The following DNAH14 variants were observed in gnomAD, a reference collection of about 807,000 sequenced individuals.
The protein encoded by DNAH14 is axonemal beta dynein heavy chain 14.
DNAH14 carries 478 observed loss-of-function variants against 520.9 expected under a neutral mutation model. The ratio of observed to expected loss-of-function variants is 0.92; its 90% CI spans 0.85 to 0.99. The LOEUF is 0.99. DNAH14 is among the 50% of genes least tolerant of loss of function. The pLI is 0.00. For missense variants in DNAH14, 4,831 were observed against 5,234.5 expected, an observed-to-expected ratio of 0.92 and a Z score of 2.38; for synonymous variants, 1,581 against 1,757.2, an observed-to-expected ratio of 0.90 and a Z score of 2.51.
rs534473781 is a variant in DNAH14 at position 225,250,514 on chromosome 1, G to A, written c.6749-1787G>A. 53 of 419,000 alleles carry A rather than the reference G, an allele frequency of 1.3e-4. No homozygotes were observed. In the South Asian group the frequency reaches 1.5e-3, roughly 12 times the overall value. 26.0% of individuals were successfully genotyped at this position (419,000 alleles called of 1,614,324 possible). A position where few individuals can be genotyped will look rare whatever the true frequency, so the allele number is the denominator to read the frequency against. The stretch of plus-strand genomic sequence containing the variant: ...ATATACAACAGAGATCGTATGTGGC[G>A]TGCTGTTTTAACCATATTCCCTTGG... On this transcript the variant is annotated intron_variant, in intron 43 of 85. Transcript: ENST00000682510.
chr1:225,264,504 G>A (rs1411055963), intron 47 of DNAH14, among the ~76,000 whole-genome samples: 1 of 152,068 alleles, frequency 6.6e-6, no homozygotes, highest in East Asian at 1.9e-4. Context: ...ATACTTGGTG[G>A]ATATATCAGT....
At chr1:224,945,132 A>G (rs2059708625) in intron 1 of DNAH14, among the ~76,000 whole-genome samples, 1 of 152,266 alleles carries the variant, frequency 6.6e-6, no homozygotes, top group Admixed American at 6.5e-5. Flanking sequence ...AGGTACACCA[A>G]TCAGATGTAG....
At chr1:225,049,523 C>T (rs552003150) in intron 15 of DNAH14, among the ~76,000 whole-genome samples, 31 of 152,230 alleles carry the variant, frequency 2.0e-4, no homozygotes, top group African/African-American at 7.2e-4. Context: ...TCTTTCACAG[C>T]GCTAAACTAC....
intron 7 of DNAH14, among the ~76,000 whole-genome samples, chr1:224,971,812 G>A (rs1206126727): frequency 6.6e-6 from 1 of 152,186 alleles, no homozygotes; most frequent in East Asian, 1.9e-4. Flanking sequence ...AGCTGGTTCT[G>A]TTATTTTCTG....
chr1:224,942,235 G>A (rs1236526540), intron 1 of DNAH14, among the ~76,000 whole-genome samples: 1 of 152,138 alleles, frequency 6.6e-6, no homozygotes, highest in Non-Finnish European at 1.5e-5. Flanking sequence ...TCCCTTGTAA[G>A]TTGGATTCCT....
chr1:225,376,894 TA>T (rs1363551760), intron 78 of DNAH14, among the ~76,000 whole-genome samples: 1 of 152,182 alleles, frequency 6.6e-6, no homozygotes, highest in African/African-American at 2.4e-5. Context: ...TAGGTTTCAC[TA>T]AAGTAAAATG....
intron 17 of DNAH14, among the ~76,000 whole-genome samples, chr1:225,067,056 T>C (rs2070976041): frequency 6.6e-6 from 1 of 152,158 alleles, no homozygotes; most frequent in South Asian, 2.1e-4. Context: ...GAGTTTGTTA[T>C]ATGGATTATT....
chr1:225,335,435 ATG>A (rs140720669), intron 66 of DNAH14, among the ~76,000 whole-genome samples: 5,768 of 87,440 alleles, frequency 0.066, 1,412 homozygotes, highest in African/African-American at 0.31. Context: ...ACGTGTGTAC[ATG>A]TGTGTGTATG....
In DNAH14 at chr1:225,140,794, T is replaced by G. The variant is rs1289546285; in HGVS notation, c.4281T>G (p.Cys1427Trp). The G allele has an allele frequency of 6.5e-7, 1 of 1,545,454 alleles. No individual in the cohort carries two copies. Among genetic ancestry groups the G allele is most frequent in the African/African-American group, 1.4e-5 (1 of 72,910 alleles). The change falls in exon 28 of 86, where the codon TGT becomes TGG. Residue 1427 changes from cysteine (C) to tryptophan (W), a missense_variant. By Grantham distance (215) the Cys-to-Trp change is radical (BLOSUM62 -2). Coordinates refer to ENST00000682510, the MANE Select transcript of DNAH14 (RefSeq NM_001367479.1). ...TVSQIMFYND[C>W]VKSFVSSYSR... ...GCCAGATCATGTTTTATAATGATTGTGTTAAAAGTTTTGTGAGTTCTTATT... is the reference window on the plus strand; with the variant it reads ...GCCAGATCATGTTTTATAATGATTGGGTTAAAAGTTTTGTGAGTTCTTATT...
chr1:225,340,542 T>G lies in DNAH14; in HGVS notation c.10519T>G (p.Phe3507Val). 1.3e-6 allele frequency: 2 copies of G among 1,551,454 alleles called. No individual in the cohort carries two copies. The highest frequency in any genetic ancestry group is 1.7e-6 in the Non-Finnish European group (2 of 1,146,854). Residue 3507 changes from phenylalanine (F) to valine (V), a missense_variant, in exon 69 of 86, where the codon TTC (phenylalanine) becomes GTC (valine). Phe to Val is a conservative substitution (Grantham distance 50, BLOSUM62 -1). Coordinates refer to ENST00000682510, the MANE Select transcript of DNAH14 (RefSeq NM_001367479.1). Reference sequence around the variant, plus strand: ...TACTATGATCAACTTCACTGTAACATTCCAAGGTTTGCAAGATCAACTCTT... The same window carrying G: ...TACTATGATCAACTTCACTGTAACAGTCCAAGGTTTGCAAGATCAACTCTT... ...FVTMINFTVT[F>V]QGLQDQLLST...
At chr1:225,073,976 C>T (rs1188370205) in intron 17 of DNAH14, among the ~76,000 whole-genome samples, 3 of 145,750 alleles carry the variant, frequency 2.1e-5, no homozygotes, top group African/African-American at 7.7e-5. Flanking sequence ...CCACCGCACT[C>T]AGCTGTTTTA....
chr1:225,394,825 C>G (rs2095982464), intron 84 of DNAH14, among the ~76,000 whole-genome samples: 1 of 142,874 alleles, frequency 7.0e-6, no homozygotes, highest in South Asian at 2.2e-4. Context: ...GCCTGGGTGA[C>G]AGAGAGAGAC....
chr1:225,127,792 T>C (rs148780976), intron 27 of DNAH14, among the ~76,000 whole-genome samples: 6,613 of 152,258 alleles, frequency 0.043, 418 homozygotes, highest in African/African-American at 0.14. Context: ...TGATGCAGTT[T>C]CTTCCTAGTC....
chr1:225,126,253 A>C (rs1433089042), intron 27 of DNAH14, among the ~76,000 whole-genome samples: 1 of 152,166 alleles, frequency 6.6e-6, no homozygotes, highest in Non-Finnish European at 1.5e-5. Flanking sequence ...TGCTCAATGC[A>C]GGGTTACCAC....
At chr1:225,143,946 C>A (rs1265875708) in intron 28 of DNAH14, among the ~76,000 whole-genome samples, 1 of 152,136 alleles carries the variant, frequency 6.6e-6, no homozygotes, top group Admixed American at 6.5e-5. Flanking sequence ...GATATAAATA[C>A]AAATCAATTT....
intron 52 of DNAH14, among the ~76,000 whole-genome samples, chr1:225,274,359 T>G (rs1472619149): frequency 6.6e-6 from 1 of 151,760 alleles, no homozygotes; most frequent in Admixed American, 6.6e-5. Context: ...CGCCCGCCAC[T>G]GCGCCCGGCT....
chr1:225,217,696 C>T (rs2089563785), intron 41 of DNAH14, among the ~76,000 whole-genome samples: 2 of 152,194 alleles, frequency 1.3e-5, no homozygotes, highest in Non-Finnish European at 2.9e-5. Flanking sequence ...TGGGACCCTC[C>T]GAGCCAGGCG....
intron 50 of DNAH14, 46 bp from the exon 51 acceptor site, chr1:225,271,860 T>C: frequency 6.7e-7 from 1 of 1,490,916 alleles, no homozygotes; most frequent in Non-Finnish European, 9.0e-7. Context: ...AAGTAGTCTA[T>C]ACCTCAAATT....
intron 8 of DNAH14, among the ~76,000 whole-genome samples, chr1:224,997,576 A>T (rs2063480182): frequency 6.6e-6 from 1 of 151,884 alleles, no homozygotes; most frequent in Non-Finnish European, 1.5e-5. Flanking sequence ...TTTCTTTGGG[A>T]GGTAATAAAG....
Sources: gnomAD v4.1 joint callset for allele counts (sites outside exome capture counted in the v4.1 genomes callset) on GRCh38, gnomAD v4.1.1 for gene constraint, MANE v1.5 for transcripts, NCBI Gene and HGNC (gene_info 2026-07-23, HGNC 2026-07-21) for gene names.